Variants in KLHL20 observed in about 807,000 individuals in gnomAD.
KLHL20 encodes the protein kelch like family member 20, also known as kelch-like protein 20.
A neutral mutation model predicts 69.5 loss-of-function variants in KLHL20; 29 were observed. The ratio of observed to expected loss-of-function variants is 0.42; its 90% CI spans 0.31 to 0.57. The LOEUF (loss-of-function observed/expected upper bound fraction) is 0.57. Ranked by LOEUF, KLHL20 falls within the 20% of genes least tolerant of loss-of-function variation. KLHL20 has a pLI of 0.18. For synonymous variants in KLHL20, 253 were observed against 265.2 expected (o/e 0.95, Z 0.45); for missense variants, 419 against 776.0 (o/e 0.54, Z 5.47).
At chr1:173,728,694 C>T (rs1026707462) in intron 2 of KLHL20, among the ~76,000 whole-genome samples, 20 of 152,124 alleles carry the variant, frequency 1.3e-4, no homozygotes, top group East Asian at 3.9e-4. Flanking sequence ...TTGAAACCAA[C>T]GAGAACAAAG....
At chr1:173,736,182 A>G (rs984550315) in intron 3 of KLHL20, among the ~76,000 whole-genome samples, 2 of 151,702 alleles carry the variant, frequency 1.3e-5, no homozygotes, top group African/African-American at 4.8e-5. Flanking sequence ...CCTGACCTCA[A>G]GTGATCTGTG....
Position 173,774,394 on chromosome 1 carries a change from T to C in KLHL20, c.1385T>C (p.Leu462Ser). The change falls in exon 9 of 12, where the codon TTA (leucine) becomes TCA (serine). Residue 462 changes from leucine (L) to serine (S), a missense_variant. Physicochemically the swap from Leu to Ser is moderately radical, Grantham distance 145. Transcript: ENST00000209884. Reference sequence around the variant, plus strand: ...GCTGTGGCTGTGTTAGGAGGGTTCTTATATGCTGTAGGTGGCTCTGACGGG... The same window carrying C: ...GCTGTGGCTGTGTTAGGAGGGTTCTCATATGCTGTAGGTGGCTCTGACGGG... ...GVAVAVLGGF[L>S]YAVGGSDGTS... 6.2e-7 allele frequency: 1 copy of C among 1,614,118 alleles called. No homozygotes were observed. The highest frequency in any genetic ancestry group is 1.1e-5 in the South Asian group (1 of 91,078).
chr1:173,732,621 T>A (rs1207840634), intron 2 of KLHL20, among the ~76,000 whole-genome samples: 1 of 152,182 alleles, frequency 6.6e-6, no homozygotes, highest in Non-Finnish European at 1.5e-5. Flanking sequence ...GGCACTGAAT[T>A]TTACAACTAA....
intron 2 of KLHL20, among the ~76,000 whole-genome samples, chr1:173,732,172 C>T (rs1672313950): frequency 6.6e-6 from 1 of 151,556 alleles, no homozygotes; most frequent in African/African-American, 2.4e-5. Context: ...AGCCCAGCCT[C>T]CGTGACAGAG....
At chr1:173,767,510 A>G (rs1043911962) in intron 8 of KLHL20, among the ~76,000 whole-genome samples, 1 of 152,190 alleles carries the variant, frequency 6.6e-6, no homozygotes, top group African/African-American at 2.4e-5. Context: ...CATCAATGGT[A>G]TGCAGGGGTT....
intron 2 of KLHL20, among the ~76,000 whole-genome samples, chr1:173,729,748 C>A (rs577379532): frequency 1.3e-5 from 2 of 152,126 alleles, no homozygotes; most frequent in African/African-American, 4.8e-5. Flanking sequence ...TATGACAAAC[C>A]CACAGCCAAT....
chr1:173,761,005 C>T (rs1571910207), intron 7 of KLHL20, among the ~76,000 whole-genome samples: 1 of 152,152 alleles, frequency 6.6e-6, no homozygotes, highest in East Asian at 1.9e-4. Flanking sequence ...TCACCTAACA[C>T]ATAAGGACTC....
intron 7 of KLHL20, among the ~76,000 whole-genome samples, chr1:173,765,375 C>T (rs909755845): frequency 1.3e-5 from 2 of 151,888 alleles, no homozygotes; most frequent in East Asian, 1.9e-4. Context: ...TGGTGGCGGG[C>T]GCCTGTAGTC....
At chr1:173,726,756 C>T (rs1671987498) in intron 2 of KLHL20, among the ~76,000 whole-genome samples, 1 of 152,126 alleles carries the variant, frequency 6.6e-6, no homozygotes, top group South Asian at 2.1e-4. Context: ...TGTACGTCAC[C>T]ATCATCAAAG....
chr1:173,746,424 T>G (rs1276545128), intron 3 of KLHL20, among the ~76,000 whole-genome samples: 1 of 152,164 alleles, frequency 6.6e-6, no homozygotes, highest in East Asian at 1.9e-4. Context: ...AAGTAATTTA[T>G]TGTTAAGTTT....
At chr1:173,752,576 G>C (rs186548625) in intron 4 of KLHL20, among the ~76,000 whole-genome samples, 12 of 152,274 alleles carry the variant, frequency 7.9e-5, no homozygotes, top group Admixed American at 7.9e-4. Flanking sequence ...ACACTTTCAA[G>C]AGTAAAGACA....
rs754381995 is a variant in KLHL20, at chr1:173,751,926, A to G, written c.756+4A>G. On this transcript the variant is annotated splice_donor_region_variant and intron_variant, in intron 4 of 11. Transcript: ENST00000209884. Reference sequence around the variant, plus strand: ...AAGACGTCCTCAATTACCCCAGGTAATGATAGAAATTCTTCTCTAAGAAAC... The same window carrying G: ...AAGACGTCCTCAATTACCCCAGGTAGTGATAGAAATTCTTCTCTAAGAAAC... 3 of 1,612,596 alleles carry G rather than the reference A, an allele frequency of 1.9e-6. No homozygotes were observed. The highest frequency in any genetic ancestry group is 1.3e-5 in the African/African-American group (1 of 74,908).
chr1:173,785,272 T>C lies in KLHL20; in HGVS notation c.*25T>C. ...AACACAGAGAAGACAGTCTTGTATA[T>C]ATTCCTCTGTATTCTGGGGAGCTTT... On this transcript the variant is annotated 3_prime_UTR_variant, in exon 12 of 12. Transcript: ENST00000209884. The C allele has an allele frequency of 6.6e-7, 1 of 1,508,272 alleles. No individual in the cohort carries two copies. The highest frequency in any genetic ancestry group is 9.0e-7 in the Non-Finnish European group (1 of 1,105,406). 93.4% of individuals were successfully genotyped at this position (1,508,272 alleles called of 1,614,324 possible).
chr1:173,781,044 G>A (rs1357669241), intron 10 of KLHL20, among the ~76,000 whole-genome samples: 2 of 140,552 alleles, frequency 1.4e-5, no homozygotes, highest in African/African-American at 5.0e-5. Context: ...GAGGGAGGAG[G>A]GAGGGAGGTG....
At chr1:173,717,292 A>G (rs1239389482) in intron 2 of KLHL20, among the ~76,000 whole-genome samples, 1 of 152,230 alleles carries the variant, frequency 6.6e-6, no homozygotes, top group Non-Finnish European at 1.5e-5. Flanking sequence ...TCAGTAGTCT[A>G]TATAAAATAT....
At position 173,733,764 on chromosome 1, in the gene KLHL20, C is replaced by A; in HGVS notation, c.75C>A (p.Cys25Ter). Residue 25 changes from cysteine to a stop codon, truncating the protein, a stop_gained, in exon 3 of 12, where the codon TGC (cysteine) becomes TGA (stop). Coordinates refer to ENST00000209884, the MANE Select transcript of KLHL20 (RefSeq NM_014458.4). LOFTEE classifies it high-confidence loss of function. ...GETGMDVTSRCTLGDPNKLPE... is the reference protein window; with the variant it reads ...GETGMDVTSR ...CTGGAATGGATGTAACAAGCCGCTG[C>A]ACCCTTGGAGACCCCAACAAACTGC... 6.2e-7 allele frequency: 1 copy of A among 1,614,148 alleles called. No individual in the cohort carries two copies.
At chr1:173,741,771 A>C (rs1672819795) in intron 3 of KLHL20, 1 of 1,472,938 alleles carries the variant, frequency 6.8e-7, no homozygotes, top group African/African-American at 1.4e-5. Context: ...TTCCTACTTC[A>C]TGGATGTGGA....
chr1:173,774,013 C>CA (rs34034171), intron 8 of KLHL20, among the ~76,000 whole-genome samples: 274 of 108,008 alleles, frequency 2.5e-3, no homozygotes, highest in Middle Eastern at 0.015. Context: ...GACTCCATCT[C>CA]AAAAAAAAAA....
At chr1:173,777,471 G>A (rs545361018) in intron 10 of KLHL20, among the ~76,000 whole-genome samples, 6 of 152,136 alleles carry the variant, frequency 3.9e-5, no homozygotes, top group Admixed American at 1.3e-4. Flanking sequence ...GTGAAAGTGC[G>A]CATCCCTGTC....
Sources: gnomAD v4.1 joint callset for allele counts (sites outside exome capture counted in the v4.1 genomes callset) on GRCh38, gnomAD v4.1.1 for gene constraint, MANE v1.5 for transcripts, NCBI Gene and HGNC (gene_info 2026-07-23, HGNC 2026-07-21) for gene names.